LRRC69: variants seen among roughly 807,000 people sequenced by gnomAD.
The protein encoded by LRRC69 is leucine rich repeat containing 69.
Under a neutral mutation model 37.8 loss-of-function variants are expected in LRRC69, and 42 were observed. The ratio of observed to expected loss-of-function variants is 1.11; its 90% CI spans 0.87 to 1.44. The LOEUF (loss-of-function observed/expected upper bound fraction) is 1.44, where lower values mean the gene tolerates loss of function less well. Ranked by LOEUF, LRRC69 falls within the 40% of genes most tolerant of loss-of-function variation. The pLI, the probability that LRRC69 is intolerant of heterozygous loss-of-function variation, is 0.00. For synonymous variants in LRRC69, 141 were observed against 143.1 expected (o/e 0.99, Z 0.11); for missense variants, 357 against 401.9 (o/e 0.89, Z 0.96).
intron 6 of LRRC69, among the ~76,000 whole-genome samples, chr8:91,194,822 G>GT (rs532836297): frequency 1.2e-4 from 19 of 152,096 alleles, no homozygotes; most frequent in African/African-American, 3.9e-4. Context: ...TTTTTGAAGG[G>GT]TTTTTTGTGT....
chr8:91,148,841 G>T (rs7813523), intron 5 of LRRC69, among the ~76,000 whole-genome samples: 70,621 of 151,700 alleles, frequency 0.47, 18,033 homozygotes, highest in South Asian at 0.65. Flanking sequence ...CAGTGATGAT[G>T]AGCATTTTTT....
intron 7 of LRRC69, among the ~76,000 whole-genome samples, chr8:91,215,794 G>T (rs2130654325): frequency 6.6e-6 from 1 of 152,246 alleles, no homozygotes; most frequent in African/African-American, 2.4e-5. Context: ...ATGAGGTTTT[G>T]TTAATTGAGG....
intron 5 of LRRC69, among the ~76,000 whole-genome samples, chr8:91,151,469 G>C (rs184539292): frequency 6.6e-6 from 1 of 151,470 alleles, no homozygotes; most frequent in African/African-American, 2.4e-5. Flanking sequence ...TATAATTTCT[G>C]TTCTTTTACA....
intron 5 of LRRC69, among the ~76,000 whole-genome samples, chr8:91,162,877 CT>C (rs536061574): frequency 1.7e-4 from 26 of 150,424 alleles, no homozygotes; most frequent in South Asian, 4.2e-4. Context: ...CAAATTAATA[CT>C]TTTTTTTTCA....
intron 5 of LRRC69, among the ~76,000 whole-genome samples, chr8:91,176,869 C>G (rs1358837437): frequency 6.6e-6 from 1 of 152,086 alleles, no homozygotes. Flanking sequence ...TCAAGGCACA[C>G]CAAGAAATAA....
At chr8:91,124,369 T>C (rs1813681315) in intron 1 of LRRC69, 124 bp from the exon 2 acceptor site, 4 of 636,356 alleles carry the variant, frequency 6.3e-6, no homozygotes, top group Non-Finnish European at 9.4e-6. Context: ...CTGAAATAAT[T>C]GTTTAAAAAT....
intron 5 of LRRC69, among the ~76,000 whole-genome samples, chr8:91,150,348 G>A (rs1427518222): frequency 1.3e-5 from 2 of 151,882 alleles, no homozygotes; most frequent in Non-Finnish European, 2.9e-5. Context: ...ATAATCATGT[G>A]GTTTTTGTCA....
intron 5 of LRRC69, among the ~76,000 whole-genome samples, chr8:91,160,070 T>C (rs990490357): frequency 2.0e-5 from 3 of 151,284 alleles, no homozygotes; most frequent in Admixed American, 6.6e-5. Context: ...CTTTTAGCAG[T>C]ATTTTGTAGG....
At chr8:91,102,687 C>T (rs777230345) in exon 1 of LRRC69, 2 of 1,550,918 alleles carry the variant, frequency 1.3e-6, no homozygotes, top group Non-Finnish European at 1.7e-6. Flanking sequence ...TTAATAAAAG[C>T]ATTGAGTGGT....
chr8:91,156,648 AT>A (rs1192213799), intron 5 of LRRC69, among the ~76,000 whole-genome samples: 1 of 150,956 alleles, frequency 6.6e-6, no homozygotes. Flanking sequence ...TTTAAAAAAA[AT>A]ATTCTTTCTA....
intron 5 of LRRC69, among the ~76,000 whole-genome samples, chr8:91,147,274 A>G: frequency 6.9e-6 from 1 of 145,964 alleles, no homozygotes; most frequent in East Asian, 2.0e-4. Context: ...ATAAACATAT[A>G]TTATATATAA....
At chr8:91,124,424 T>C in intron 1 of LRRC69, 69 bp from the exon 2 acceptor site, 6 of 1,296,910 alleles carry the variant, frequency 4.6e-6, no homozygotes, top group Non-Finnish European at 6.1e-6. Flanking sequence ...CAAGGGAGCT[T>C]AAATTATTTC....
At chr8:91,157,339 A>G (rs886433398) in intron 5 of LRRC69, 2 of 1,608,654 alleles carry the variant, frequency 1.2e-6, no homozygotes, top group Non-Finnish European at 1.7e-6. Context: ...CTATGAATGG[A>G]CTGTCCCCAA....
chr8:91,132,346 A>C (rs1343082248), intron 3 of LRRC69, among the ~76,000 whole-genome samples: 1 of 152,002 alleles, frequency 6.6e-6, no homozygotes, highest in Non-Finnish European at 1.5e-5. Context: ...GATGATTATT[A>C]AATTTAATGC....
chr8:91,203,257 G>C (rs1390769007), intron 7 of LRRC69, among the ~76,000 whole-genome samples: 7 of 152,034 alleles, frequency 4.6e-5, no homozygotes, highest in African/African-American at 1.7e-4. Flanking sequence ...CTAGATATGT[G>C]ACCTCTAACA....
intron 7 of LRRC69, among the ~76,000 whole-genome samples, chr8:91,207,597 C>T (rs904185727): frequency 6.6e-6 from 1 of 152,138 alleles, no homozygotes; most frequent in Non-Finnish European, 1.5e-5. Flanking sequence ...AGAGGCATTT[C>T]TTAGAAATGT....
chr8:91,126,229 A>G (rs969205731), intron 2 of LRRC69, among the ~76,000 whole-genome samples: 10 of 152,026 alleles, frequency 6.6e-5, no homozygotes, highest in African/African-American at 1.9e-4. Flanking sequence ...TTGGGTCCCA[A>G]GCTAAGCTTG....
At chr8:91,212,903 T>C (rs1809959512) in intron 7 of LRRC69, among the ~76,000 whole-genome samples, 1 of 152,196 alleles carries the variant, frequency 6.6e-6, no homozygotes, top group African/African-American at 2.4e-5. Context: ...AAACATGAGC[T>C]CATACACTGT....
intron 7 of LRRC69, among the ~76,000 whole-genome samples, chr8:91,203,528 G>T (rs1418363683): frequency 6.6e-6 from 1 of 151,664 alleles, no homozygotes; most frequent in Non-Finnish European, 1.5e-5. Context: ...AAGTAGCTGG[G>T]ATTACAGGTG....
Sources: allele counts gnomAD v4.1 joint callset (sites outside exome capture counted in the v4.1 genomes callset), GRCh38; gene constraint gnomAD v4.1.1; transcripts MANE v1.5; gene names NCBI Gene and HGNC (gene_info 2026-07-23, HGNC 2026-07-21).